ZNF799: variants seen among roughly 807,000 people sequenced by gnomAD.
ZNF799 encodes the protein zinc finger protein 799.
A neutral mutation model predicts 41.0 loss-of-function variants in ZNF799; 28 were observed. That is an observed-to-expected ratio of 0.68 (90% CI 0.51 to 0.94). The LOEUF (loss-of-function observed/expected upper bound fraction) is 0.94. Ranked by LOEUF, ZNF799 falls within the 40% of genes least tolerant of loss-of-function variation. The pLI is 0.00. For missense variants in ZNF799, 716 were observed against 764.3 expected, an observed-to-expected ratio of 0.94 and a Z score of 0.74; for synonymous variants, 213 against 252.9, an observed-to-expected ratio of 0.84 and a Z score of 1.50.
chr19:12,403,508 A>T (rs1348017291), upstream of ZNF799, among the ~76,000 whole-genome samples: 1 of 149,102 alleles, frequency 6.7e-6, no homozygotes, highest in African/African-American at 2.4e-5. Flanking sequence ...TTTAAAATGC[A>T]TTCTTAGGTT....
intron 1 of ZNF799, chr19:12,395,201 A>T: frequency 7.1e-6 from 1 of 140,636 alleles, no homozygotes; most frequent in African/African-American, 2.7e-5. Context: ...GAGTGCAGCC[A>T]CACAACCTTG....
In ZNF799 at chr19:12,398,130, G is replaced by A. The variant is rs372788330; in HGVS notation, c.3+2938C>T. On this transcript the variant is annotated intron_variant, in intron 1 of 3. Transcript: ENST00000430385. ...AAAAATTAGCCAGGCATGGCGGCAC[G>A]CACCTGTAGTCCCAGCTACTCGGGA... 1.5e-3 allele frequency: 222 copies of A among 152,404 alleles called. 2 individuals carry two copies. In the South Asian group the frequency reaches 0.019, roughly 13 times the overall value. 9.4% of individuals were successfully genotyped at this position (152,404 alleles called of 1,614,324 possible).
chr19:12,397,597 A>C (rs1014312481), intron 1 of ZNF799, among the ~76,000 whole-genome samples: 3 of 151,614 alleles, frequency 2.0e-5, no homozygotes, highest in African/African-American at 7.3e-5. Context: ...AAAGAAAGAA[A>C]CAAAGAAACA....
rs1969811808 is a variant in ZNF799 at position 12,391,325 on chromosome 19, G to A, written c.1073C>T (p.Thr358Ile). 6.2e-7 allele frequency: 1 copy of A among 1,614,176 alleles called. No individual in the cohort carries two copies. The highest frequency in any genetic ancestry group is 1.3e-5 in the African/African-American group (1 of 75,058). ...CPSSLKSHER[T>I]HTGEKLYECK... Reference sequence around the variant, plus strand: ...TTCATAGAGTTTCTCTCCAGTGTGAGTTCTTTCATGACTTTTCAGTGAACT... The same window carrying A: ...TTCATAGAGTTTCTCTCCAGTGTGAATTCTTTCATGACTTTTCAGTGAACT... Residue 358 changes from threonine to isoleucine, a missense_variant, in exon 4 of 4, where the codon ACT becomes ATT. Physicochemically the swap from Thr to Ile is moderately conservative, Grantham distance 89. Around this residue, in one of 2 missense-constraint regions of ZNF799, gnomAD observed 698 missense variants for 713.6 expected, o/e 0.98. Coordinates refer to ENST00000430385, the MANE Select transcript of ZNF799 (RefSeq NM_001080821.3).
At chr19:12,405,576 ATCT>A (rs1970023951), upstream of ZNF799, among the ~76,000 whole-genome samples, 2 of 152,314 alleles carry the variant, frequency 1.3e-5, no homozygotes, top group East Asian at 3.9e-4. Context: ...TGTTTGTTTC[ATCT>A]TCTTCTTTAC....
intron 1 of ZNF799, among the ~76,000 whole-genome samples, chr19:12,399,263 C>T (rs1392348082): frequency 2.0e-5 from 3 of 152,200 alleles, no homozygotes; most frequent in Non-Finnish European, 4.4e-5. Context: ...GGAGACACTG[C>T]CTTGTGTGCT....
upstream of ZNF799, among the ~76,000 whole-genome samples, chr19:12,404,763 C>A (rs1970018270): frequency 6.6e-6 from 1 of 152,150 alleles, no homozygotes; most frequent in Non-Finnish European, 1.5e-5. Context: ...GCAGGAATTG[C>A]CTAAAAATGT....
chr19:12,398,467 A>ATATTT (rs1455324132), intron 1 of ZNF799, among the ~76,000 whole-genome samples: 1 of 152,222 alleles, frequency 6.6e-6, no homozygotes, highest in African/African-American at 2.4e-5. Flanking sequence ...TAAGGCACTG[A>ATATTT]TATTTTATAC....
rs1165316579 is a variant in ZNF799 at position 12,392,317 on chromosome 19, G to A, written c.192-111C>T. 3.2e-5 allele frequency: 47 copies of A among 1,466,794 alleles called. No homozygotes were observed. In the South Asian group the frequency reaches 4.4e-4, roughly 14 times the overall value. The allele number at this position is 1,466,794 out of a possible 1,614,324, so 90.9% of individuals were successfully genotyped here. A position where few individuals can be genotyped will look rare whatever the true frequency, so the allele number is the denominator to read the frequency against. ...CACTATCATGCAAAGTGCAGGCTTC[G>A]TGTCCTGCTTGAACGTGAATGGATG... On this transcript the variant is annotated intron_variant, in intron 3 of 3. Coordinates refer to ENST00000430385, the MANE Select transcript of ZNF799 (RefSeq NM_001080821.3).
chr19:12,394,507 C>T (rs1415272482), intron 1 of ZNF799: 11 of 889,068 alleles, frequency 1.2e-5, no homozygotes, highest in African/African-American at 1.8e-5. Context: ...GGGATTTAGC[C>T]CATCCTATGT....
At chr19:12,402,082 C>A (rs1969998068), upstream of ZNF799, among the ~76,000 whole-genome samples, 1 of 152,178 alleles carries the variant, frequency 6.6e-6, no homozygotes. Context: ...TCCTTCTACA[C>A]GTTTTTGGTT....
At chr19:12,400,921 G>A (rs1043889744) in intron 1 of ZNF799, 147 bp downstream of exon 1, 77 of 1,457,164 alleles carry the variant, frequency 5.3e-5, no homozygotes, top group Non-Finnish European at 6.7e-5. Flanking sequence ...GCCCCACCCT[G>A]CGGCCGAGGG....
chr19:12,411,275 C>T, the ZNF799 span, among the ~76,000 whole-genome samples: 4 of 152,134 alleles, frequency 2.6e-5, no homozygotes, highest in African/African-American at 9.7e-5. Flanking sequence ...GTTATAATAG[C>T]TTGAGGTGAC....
the ZNF799 span, among the ~76,000 whole-genome samples, chr19:12,408,452 A>G: frequency 6.6e-6 from 1 of 152,212 alleles, no homozygotes; most frequent in Non-Finnish European, 1.5e-5. Flanking sequence ...AGATACCAAT[A>G]TAAAACAAAG....
chr19:12,396,163 G>A (rs182935308), intron 1 of ZNF799, among the ~76,000 whole-genome samples: 27 of 152,166 alleles, frequency 1.8e-4, no homozygotes, highest in Non-Finnish European at 3.1e-4. Context: ...AGAAAAACAT[G>A]AAAATATGGT....
At chr19:12,395,946 A>G (rs1887038551) in intron 1 of ZNF799, among the ~76,000 whole-genome samples, 1 of 152,250 alleles carries the variant, frequency 6.6e-6, no homozygotes, top group Admixed American at 6.5e-5. Flanking sequence ...AACACACACT[A>G]AAGAACAGAG....
At chr19:12,399,953 C>T (rs970916472) in intron 1 of ZNF799, among the ~76,000 whole-genome samples, 1 of 152,146 alleles carries the variant, frequency 6.6e-6, no homozygotes, top group African/African-American at 2.4e-5. Flanking sequence ...TTCAGGAACC[C>T]AAAATAATTC....
Position 12,390,323 on chromosome 19 carries a change from T to C in ZNF799, c.*143A>G. 6.7e-7 allele frequency: 1 copy of C among 1,487,638 alleles called. No homozygotes were observed. The highest frequency in any genetic ancestry group is 9.1e-7 in the Non-Finnish European group (1 of 1,101,926). The allele number at this position is 1,487,638 out of a possible 1,614,324, so 92.2% of individuals were successfully genotyped here. A position where few individuals can be genotyped will look rare whatever the true frequency, so the allele number is the denominator to read the frequency against. On this transcript the variant is annotated 3_prime_UTR_variant, in exon 4 of 4. Transcript: ENST00000430385. The stretch of plus-strand genomic sequence containing the variant: ...CCCAGCAGGTATCAAGGGATGACTG[T>C]ACTGGAAAGAAACTGAAATTACTTA...
chr19:12,398,258 CAAAAA>C (rs59451897), intron 1 of ZNF799: 4 of 75,484 alleles, frequency 5.3e-5, no homozygotes, highest in Non-Finnish European at 8.6e-5. Flanking sequence ...GACGCTGTCT[CAAAAA>C]AAAAAAAAAA....
Sources: allele counts gnomAD v4.1 joint callset (sites outside exome capture counted in the v4.1 genomes callset), GRCh38; gene constraint gnomAD v4.1.1; regional missense constraint gnomAD v4.1.1; transcripts MANE v1.5; gene names NCBI Gene and HGNC (gene_info 2026-07-23, HGNC 2026-07-21).